Variants in P2RX7 observed in about 807,000 individuals in gnomAD.
The protein encoded by P2RX7 is P2X purinoceptor 7.
P2RX7 carries 62 observed loss-of-function variants against 71.6 expected under a neutral mutation model. The observed-to-expected ratio is 0.87, with a 90% CI of 0.71 to 1.07. P2RX7 has a LOEUF of 1.07. Ranked by LOEUF, P2RX7 falls within the 50% of genes least tolerant of loss-of-function variation. P2RX7 has a pLI of 0.00. For missense variants in P2RX7, 686 were observed against 748.5 expected (o/e 0.92, Z 0.97); for synonymous variants, 299 against 283.3 (o/e 1.06, Z -0.56).
Position 121,175,388 on chromosome 12 carries a change from A to C in P2RX7, c.882A>C (p.Arg294Ser), listed in dbSNP as rs1341965300. Residue 294 changes from arginine to serine, a missense_variant and splice_region_variant, in exon 9 of 13, where the codon AGA (arginine) becomes AGC (serine). Coordinates refer to ENST00000328963, the MANE Select transcript of P2RX7 (RefSeq NM_002562.6). ...AATACAGATCCTTTTCTTCCTACAG[A>C]TACGCCAAGTACTACAAGGAAAACA... ...NVSLYPGYNF[R>S]YAKYYKENNV... 1.9e-6 allele frequency: 3 copies of C among 1,597,868 alleles called. No individual in the cohort carries two copies. In the East Asian group the frequency reaches 6.7e-5, roughly 36 times the overall value.
In P2RX7 at chr12:121,145,644, T is replaced by G. The variant is rs1336504602; in HGVS notation, c.126-9141T>G. 3.9e-5 allele frequency among the ~76,000 whole-genome samples: 6 copies of G among 152,028 alleles called. No individual in the cohort carries two copies. In the East Asian group the frequency reaches 9.7e-4, roughly 24 times the overall value. On this transcript the variant is annotated intron_variant, in intron 1 of 12. Coordinates refer to ENST00000328963, the MANE Select transcript of P2RX7 (RefSeq NM_002562.6). Reference sequence around the variant, plus strand: ...GCCTCAGCCTTCCAAGTAGCTGGGATTACAGGCATGTGCCACCACACCCGC... The same window carrying G: ...GCCTCAGCCTTCCAAGTAGCTGGGAGTACAGGCATGTGCCACCACACCCGC...
rs1440330051 is a variant in P2RX7 at position 121,186,234 on chromosome 12, C to T, written c.*1432C>T. On this transcript the variant is annotated 3_prime_UTR_variant, in exon 13 of 13. Coordinates refer to ENST00000328963, the MANE Select transcript of P2RX7 (RefSeq NM_002562.6). ...GATTCTGGACTCCACTAACATATGA[C>T]TGATACCGCATGATACATCCCAAGT... 1 of 152,254 alleles carries T rather than the reference C, an allele frequency of 6.6e-6. No homozygotes were observed. Among genetic ancestry groups the T allele is most frequent in the Non-Finnish European group, 1.5e-5 (1 of 68,090 alleles). The allele number at this position is 152,254 out of a possible 1,614,324, so 9.4% of individuals were successfully genotyped here.
chr12:121,162,855 C>T (rs1880031693), intron 5 of P2RX7, among the ~76,000 whole-genome samples: 1 of 151,796 alleles, frequency 6.6e-6, no homozygotes, highest in South Asian at 2.1e-4. Context: ...TCCCTTCTGA[C>T]TTGTCAGTGT....
At chr12:121,148,247 C>CTCTG (rs1334763342) in intron 1 of P2RX7, among the ~76,000 whole-genome samples, 1 of 150,002 alleles carries the variant, frequency 6.7e-6, no homozygotes, top group Non-Finnish European at 1.5e-5. Flanking sequence ...CAGAGTCTCA[C>CTCTG]TCTGTCACCC....
In P2RX7 at chr12:121,184,279, A is replaced by G. The variant is rs202019673; in HGVS notation, c.1291-26A>G. On this transcript the variant is annotated intron_variant, in intron 12 of 12. Coordinates refer to ENST00000328963, the MANE Select transcript of P2RX7 (RefSeq NM_002562.6). Reference sequence around the variant, plus strand: ...AGAACCTGAGGGCTTGTCATGGCTAATAGGTTTGGAAACTTGCTTTTTCAG... The same window carrying G: ...AGAACCTGAGGGCTTGTCATGGCTAGTAGGTTTGGAAACTTGCTTTTTCAG... 1.0e-4 allele frequency: 157 copies of G among 1,559,196 alleles called. No individual in the cohort carries two copies. The Middle Eastern group carries it at 1.4e-3, about 14-fold the overall frequency.
At chr12:121,169,150 T>C (rs1881687130) in intron 8 of P2RX7, among the ~76,000 whole-genome samples, 1 of 152,126 alleles carries the variant, frequency 6.6e-6, no homozygotes, top group South Asian at 2.1e-4. Context: ...AATTTTTTTG[T>C]AGAGTCGGGG....
intron 9 of P2RX7, among the ~76,000 whole-genome samples, chr12:121,176,435 A>G (rs1883136114): frequency 6.6e-6 from 1 of 152,210 alleles, no homozygotes; most frequent in South Asian, 2.1e-4. Flanking sequence ...AGCTGAGAGA[A>G]TGCAAAGACC....
intron 3 of P2RX7, among the ~76,000 whole-genome samples, chr12:121,160,349 G>C (rs1018300009): frequency 6.6e-6 from 1 of 152,108 alleles, no homozygotes; most frequent in African/African-American, 2.4e-5. Flanking sequence ...GTTTCACCAT[G>C]TTGAGCAGGC....
At position 121,165,395 on chromosome 12, in the gene P2RX7, T is replaced by C. The variant is rs28360452; in HGVS notation, c.572T>C (p.Leu191Pro). The part of the protein sequence containing the change: ...LLNSAENFTV[L>P]IKNNIDFPGH... ...AACAGTGCCGAAAACTTCACTGTGC[T>C]CATCAAGAACAATATCGACTTCCCC... The change falls in exon 6 of 13, where the codon CTC (leucine) becomes CCC (proline). Residue 191 changes from leucine (L) to proline (P), a missense_variant. Coordinates refer to ENST00000328963, the MANE Select transcript of P2RX7 (RefSeq NM_002562.6). The C allele has an allele frequency of 1.2e-6, 2 of 1,614,104 alleles. No homozygotes were observed. Among genetic ancestry groups the C allele is most frequent in the South Asian group, 1.1e-5 (1 of 91,084 alleles).
At chr12:121,142,730 T>C (rs1044257203) in intron 1 of P2RX7, among the ~76,000 whole-genome samples, 2 of 152,108 alleles carry the variant, frequency 1.3e-5, no homozygotes. Context: ...GCCTCTCTTA[T>C]AAGGACGCGT....
chr12:121,136,747 A>G (rs980259560), intron 1 of P2RX7, among the ~76,000 whole-genome samples: 2 of 150,766 alleles, frequency 1.3e-5, no homozygotes, highest in African/African-American at 4.9e-5. Flanking sequence ...CCCAGGCCCA[A>G]GCAATCCTCC....
intron 3 of P2RX7, among the ~76,000 whole-genome samples, chr12:121,156,985 C>T (rs1878705239): frequency 6.6e-6 from 1 of 152,298 alleles, no homozygotes; most frequent in African/African-American, 2.4e-5. Flanking sequence ...GAGACCTTGT[C>T]TCTAAAAACA....
chr12:121,132,890 T>C lies in P2RX7; in HGVS notation c.-81T>C. On this transcript the variant is annotated 5_prime_UTR_variant, in exon 1 of 13. Coordinates refer to ENST00000328963, the MANE Select transcript of P2RX7 (RefSeq NM_002562.6). ...AAACCAGTACGTTTCATTTTGCAGT[T>C]ACTGGGAGGGGGCTTGCTGTGGCCC... The C allele has an allele frequency of 3.9e-6, 6 of 1,547,958 alleles. No homozygotes were observed. Among genetic ancestry groups the C allele is most frequent in the Non-Finnish European group, 4.4e-6 (5 of 1,132,566 alleles).
chr12:121,134,588 C>T (rs1341343362), intron 1 of P2RX7, among the ~76,000 whole-genome samples: 1 of 152,142 alleles, frequency 6.6e-6, no homozygotes, highest in Admixed American at 6.5e-5. Flanking sequence ...GATGAGGTTT[C>T]GCCATGTAGG....
At position 121,158,041 on chromosome 12, in the gene P2RX7, C is replaced by T. The variant is rs1055307450; in HGVS notation, c.363+1894C>T. ...CACATGTGACTCTTTGGGATTTTAA[C>T]TTATGCTCCAGGCTGGTTTGGGCTG... On this transcript the variant is annotated intron_variant, in intron 3 of 12. Coordinates refer to ENST00000328963, the MANE Select transcript of P2RX7 (RefSeq NM_002562.6). Among the ~76,000 whole-genome samples the T allele has an allele frequency of 2.6e-5, 4 of 152,146 alleles. No homozygotes were observed. The East Asian group carries it at 7.7e-4, about 29-fold the overall frequency.
intron 4 of P2RX7, chr12:121,162,136 C>T: frequency 1.3e-6 from 1 of 753,634 alleles, no homozygotes; most frequent in Non-Finnish European, 1.8e-6. Flanking sequence ...GAGCATACAC[C>T]TGTTCCGCTC....
In P2RX7 at chr12:121,133,111, G is replaced by A. The variant is rs186709090; in HGVS notation, c.125+16G>A. Reference sequence around the variant, plus strand: ...CCTACGTTTGGTAAGTGGGATCTGGGGAGGACCCAGATCTCTGCAGTGGCC... The same window carrying A: ...CCTACGTTTGGTAAGTGGGATCTGGAGAGGACCCAGATCTCTGCAGTGGCC... On this transcript the variant is annotated intron_variant, in intron 1 of 12. Transcript: ENST00000328963. 6.2e-7 allele frequency: 1 copy of A among 1,614,000 alleles called. No individual in the cohort carries two copies. Among genetic ancestry groups the A allele is most frequent in the Non-Finnish European group, 8.5e-7 (1 of 1,179,940 alleles).
At chr12:121,147,599 T>TTTG (rs10657764) in intron 1 of P2RX7, among the ~76,000 whole-genome samples, 53,577 of 151,584 alleles carry the variant, frequency 0.35, 12,406 homozygotes, top group African/African-American at 0.67. Context: ...GGCAGTTTTT[T>TTTG]TTGTTGTTGT....
At position 121,156,144 on chromosome 12, in the gene P2RX7, C is replaced by T. The variant is rs371596167; in HGVS notation, c.360C>T (p.Pro120=). Residue 120 remains proline, a synonymous_variant, in exon 3 of 13, where the codon CCC becomes CCT. Transcript: ENST00000328963. Reference sequence around the variant, plus strand: ...AAGGCCAAGAGCAGCGGTTGTGTCCCGAGGTAAGGAGGGGACCTGGAGTGG... The same window carrying T: ...AAGGCCAAGAGCAGCGGTTGTGTCCTGAGGTAAGGAGGGGACCTGGAGTGG... ...KTEGQEQRLC[P]EYPTRRTLCS... is the part of the protein sequence containing the mutation. 2.5e-5 allele frequency: 40 copies of T among 1,613,716 alleles called. No individual in the cohort carries two copies. Among genetic ancestry groups the T allele is most frequent in the Non-Finnish European group, 2.8e-5 (33 of 1,179,752 alleles).
Sources: gnomAD v4.1 joint callset for allele counts (sites outside exome capture counted in the v4.1 genomes callset) on GRCh38, gnomAD v4.1.1 for gene constraint, MANE v1.5 for transcripts, NCBI Gene and HGNC (gene_info 2026-07-23, HGNC 2026-07-21) for gene names.